The following PRRX2 variants were observed in gnomAD, a reference collection of about 807,000 sequenced individuals.
PRRX2 encodes the protein paired mesoderm homeobox protein 2.
Under a neutral mutation model 18.0 loss-of-function variants are expected in PRRX2, and 11 were observed. That is an observed-to-expected ratio of 0.61 (90% CI 0.39 to 1.01). The LOEUF is 1.01. Among genes scored for constraint, PRRX2 ranks in the 50% least tolerant of loss-of-function variants. The pLI, the probability that PRRX2 is intolerant of heterozygous loss-of-function variation, is 0.01. For synonymous variants in PRRX2, 177 were observed against 154.8 expected (o/e 1.14, Z -1.06); for missense variants, 387 against 351.0 (o/e 1.10, Z -0.82).
chr9:129,719,779 G>A (rs892663593), intron 2 of PRRX2, among the ~76,000 whole-genome samples: 1 of 152,180 alleles, frequency 6.6e-6, no homozygotes, highest in African/African-American at 2.4e-5. Flanking sequence ...TTGAGGCTAG[G>A]AATTTGAGAC....
rs1588177770 is a variant in PRRX2, at chr9:129,719,453, T to G, written c.447+35T>G. ...CAGTCCCGGGCCTCCCGTGGGAGCG[T>G]GCGCGTGGGAGCGCACAGCCACTGT... On this transcript the variant is annotated intron_variant, in intron 2 of 3. Coordinates refer to ENST00000372469, the MANE Select transcript of PRRX2 (RefSeq NM_016307.4). 4.1e-6 allele frequency: 6 copies of G among 1,461,342 alleles called. No individual in the cohort carries two copies. In the East Asian group the frequency reaches 1.6e-4, roughly 38 times the overall value. The allele number at this position is 1,461,342 out of a possible 1,614,324, so 90.5% of individuals were successfully genotyped here.
At chr9:129,678,385 T>C (rs528591415) in intron 1 of PRRX2, among the ~76,000 whole-genome samples, 7 of 152,330 alleles carry the variant, frequency 4.6e-5, no homozygotes, top group African/African-American at 1.7e-4. Flanking sequence ...CGCCAGGCCC[T>C]GGCCAGGCAC....
intron 1 of PRRX2, among the ~76,000 whole-genome samples, chr9:129,700,908 G>A (rs765316118): frequency 5.3e-5 from 8 of 152,128 alleles, no homozygotes; most frequent in Non-Finnish European, 7.4e-5. Context: ...CGTGAGCCAC[G>A]GTGCTTAGCC....
chr9:129,710,900 C>T (rs1006206816), intron 1 of PRRX2, among the ~76,000 whole-genome samples: 2 of 152,114 alleles, frequency 1.3e-5, no homozygotes, highest in African/African-American at 4.8e-5. Context: ...CCCCTTCCTT[C>T]TTTTCTGTCT....
intron 1 of PRRX2, among the ~76,000 whole-genome samples, chr9:129,679,779 G>C (rs1449123168): frequency 2.6e-5 from 4 of 152,184 alleles, no homozygotes; most frequent in Admixed American, 6.5e-5. Context: ...AGCCCCTCTT[G>C]TCCCCCATGC....
At chr9:129,696,604 A>T (rs931815567) in intron 1 of PRRX2, among the ~76,000 whole-genome samples, 34 of 152,182 alleles carry the variant, frequency 2.2e-4, no homozygotes, top group Middle Eastern at 3.4e-3. Flanking sequence ...AATAATTTTT[A>T]AAAAATACAT....
rs1055253845 is a variant in PRRX2 at position 129,665,908 on chromosome 9, C to T, written c.41C>T (p.Ala14Val). The T allele has an allele frequency of 9.0e-7, 1 of 1,110,046 alleles. No individual in the cohort carries two copies. Among genetic ancestry groups the T allele is most frequent in the Non-Finnish European group, 1.1e-6 (1 of 912,294 alleles). 68.8% of individuals were successfully genotyped at this position (1,110,046 alleles called of 1,614,324 possible). Reference sequence around the variant, plus strand: ...GCCGCCTTCGCCCTGGACAAGCCGGCGCTGGGCCCGGGGCCGCCGCCGCCT... The same window carrying T: ...GCCGCCTTCGCCCTGGACAAGCCGGTGCTGGGCCCGGGGCCGCCGCCGCCT... Reference protein sequence around the residue: ...AAAAFALDKPALGPGPPPPPP... With the variant: ...AAAAFALDKPVLGPGPPPPPP... Residue 14 changes from alanine to valine, a missense_variant, in exon 1 of 4, where the codon GCG becomes GTG. Ala to Val is a moderately conservative substitution (Grantham distance 64). Coordinates refer to ENST00000372469, the MANE Select transcript of PRRX2 (RefSeq NM_016307.4). The surrounding 1 kb of genome is among the most constrained non-coding windows in gnomAD (Gnocchi z 5.3).
intron 1 of PRRX2, among the ~76,000 whole-genome samples, chr9:129,708,039 C>CACTTGGTGTTATCAGGCCAG (rs1832578383): frequency 6.6e-6 from 1 of 152,032 alleles, no homozygotes; most frequent in Non-Finnish European, 1.5e-5. Context: ...TATCAGGCCA[C>CACTTGGTGTTATCAGGCCAG]CTGCCCTGGC....
intron 1 of PRRX2, among the ~76,000 whole-genome samples, chr9:129,700,583 G>C (rs1425406387): frequency 6.6e-6 from 1 of 151,676 alleles, no homozygotes; most frequent in Non-Finnish European, 1.5e-5. Flanking sequence ...GCCCGCCTCC[G>C]CCTCCCAAAG....
intron 1 of PRRX2, among the ~76,000 whole-genome samples, chr9:129,702,392 C>T (rs1384383588): frequency 1.6e-4 from 24 of 149,020 alleles, no homozygotes; most frequent in African/African-American, 2.5e-5. Context: ...AGCGAGACTC[C>T]GTCTCAAAAA....
At position 129,681,680 on chromosome 9, in the gene PRRX2, C is replaced by T. The variant is rs984310143; in HGVS notation, c.259+15554C>T. ...CCCCCTCTCTGCTCCTCCCTAAACC[C>T]GCCCTCCCTCCACCCCCCAAAACCA... On this transcript the variant is annotated intron_variant, in intron 1 of 3. Transcript: ENST00000372469. Among the ~76,000 whole-genome samples the T allele has an allele frequency of 5.1e-4, 77 of 152,268 alleles. 1 individual carries two copies. Among genetic ancestry groups the T allele is most frequent in the Non-Finnish European group, 1.0e-3 (68 of 68,018 alleles).
rs941428593 is a variant in PRRX2 at position 129,720,505 on chromosome 9, G to A, written c.448-91G>A. ...TCAGAGAGGTGACGCTGCCAGCCCT[G>A]GGCTGGTGACAGAGCAGGCACACAC... On this transcript the variant is annotated intron_variant, in intron 2 of 3. Coordinates refer to ENST00000372469, the MANE Select transcript of PRRX2 (RefSeq NM_016307.4). 5.4e-6 allele frequency: 7 copies of A among 1,295,062 alleles called. No homozygotes were observed. The African/African-American group carries it at 7.5e-5, about 14-fold the overall frequency. 80.2% of individuals were successfully genotyped at this position (1,295,062 alleles called of 1,614,324 possible).
chr9:129,686,793 C>T (rs555784903), intron 1 of PRRX2, among the ~76,000 whole-genome samples: 24 of 152,328 alleles, frequency 1.6e-4, no homozygotes, highest in African/African-American at 5.8e-4. Flanking sequence ...CCACCGGCCG[C>T]CCCTCCTCCA....
intron 1 of PRRX2, among the ~76,000 whole-genome samples, chr9:129,674,764 T>C (rs1486010515): frequency 3.9e-5 from 6 of 152,172 alleles, no homozygotes; most frequent in Admixed American, 2.6e-4. Context: ...TGCCCAGCTC[T>C]ACAGCTTGAG....
chr9:129,699,746 G>C (rs1832471559), intron 1 of PRRX2, among the ~76,000 whole-genome samples: 1 of 152,184 alleles, frequency 6.6e-6, no homozygotes, highest in South Asian at 2.1e-4. Flanking sequence ...AGCTTTCTGG[G>C]AAGCATCCAC....
intron 1 of PRRX2, 151 bp downstream of exon 1, chr9:129,666,277 G>A: frequency 1.6e-6 from 1 of 612,538 alleles, no homozygotes; most frequent in Non-Finnish European, 2.1e-6. Flanking sequence ...AGTGACGGTG[G>A]ACGGCGGTTG....
intron 1 of PRRX2, among the ~76,000 whole-genome samples, chr9:129,672,270 G>A (rs1286854645): frequency 6.6e-6 from 1 of 152,194 alleles, no homozygotes; most frequent in Admixed American, 6.5e-5. Context: ...AGGCGTGAGG[G>A]GACGTGGTGA....
At position 129,671,992 on chromosome 9, in the gene PRRX2, T is replaced by C. The variant is rs550631076; in HGVS notation, c.259+5866T>C. Among the ~76,000 whole-genome samples the C allele has an allele frequency of 2.6e-5, 4 of 152,212 alleles. 1 individual carries two copies. The South Asian group carries it at 8.3e-4, about 32-fold the overall frequency. On this transcript the variant is annotated intron_variant, in intron 1 of 3. Transcript: ENST00000372469. This position sits in a 1 kb window ranked among gnomAD's most constrained non-coding sequence, Gnocchi z 4.0. ...GGGCTCTGTGCCTATGTTAGGCGTTTCTGAGTAGGTGGGGGCAGGAAGGAA... is the reference window on the plus strand; with the variant it reads ...GGGCTCTGTGCCTATGTTAGGCGTTCCTGAGTAGGTGGGGGCAGGAAGGAA...
At chr9:129,686,438 C>G (rs1832299642) in intron 1 of PRRX2, among the ~76,000 whole-genome samples, 1 of 152,224 alleles carries the variant, frequency 6.6e-6, no homozygotes. Flanking sequence ...TCTCCATGTC[C>G]TGGGCTCAAG....
Sources: gnomAD v4.1 joint callset for allele counts (sites outside exome capture counted in the v4.1 genomes callset) on GRCh38, gnomAD v4.1.1 for gene constraint, Gnocchi (gnomAD v3.1) non-coding constraint, MANE v1.5 for transcripts, NCBI Gene and HGNC (gene_info 2026-07-23, HGNC 2026-07-21) for gene names.